DLG2: variants seen among roughly 807,000 people sequenced by gnomAD.
The protein encoded by DLG2 is discs large MAGUK scaffold protein 2.
Under a neutral mutation model 132.5 loss-of-function variants are expected in DLG2, and 45 were observed. The observed-to-expected ratio is 0.34, with a 90% CI of 0.27 to 0.44. DLG2 has a LOEUF of 0.44. Ranked by LOEUF, DLG2 falls within the 20% of genes least tolerant of loss-of-function variation. DLG2 has a pLI of 1.00. For synonymous variants in DLG2, 424 were observed against 419.6 expected (o/e 1.01, Z -0.13); for missense variants, 1,045 against 1,196.9 (o/e 0.87, Z 1.87).
chr11:84,556,114 A>G (rs928063615), intron 6 of DLG2, among the ~76,000 whole-genome samples: 4 of 152,180 alleles, frequency 2.6e-5, no homozygotes, highest in Admixed American at 6.5e-5. Context: ...CTCAGAGGAG[A>G]TAAGAAGTAA....
chr11:83,507,761 TA>T (rs2094795857), intron 21 of DLG2, among the ~76,000 whole-genome samples: 11 of 12,936 alleles, frequency 8.5e-4, no homozygotes, highest in African/African-American at 1.3e-3. Context: ...ATTTTTATTA[TA>T]TATATATATA....
At chr11:84,808,364 G>A (rs78478096) in intron 6 of DLG2, among the ~76,000 whole-genome samples, 3,652 of 152,086 alleles carry the variant, frequency 0.024, 161 homozygotes, top group African/African-American at 0.084. Context: ...GGCATTAAAT[G>A]TATATATTCG....
chr11:85,179,079 T>C (rs1458362145), intron 4 of DLG2, among the ~76,000 whole-genome samples: 1 of 151,118 alleles, frequency 6.6e-6, no homozygotes, highest in Non-Finnish European at 1.5e-5. Flanking sequence ...AAACTGAAAA[T>C]CAGCAGGAAT....
chr11:83,981,480 C>T (rs2092774175), intron 11 of DLG2, among the ~76,000 whole-genome samples: 1 of 152,154 alleles, frequency 6.6e-6, no homozygotes, highest in Admixed American at 6.5e-5. Flanking sequence ...CTCGCTCTGT[C>T]GCCCAGGCTG....
intron 6 of DLG2, among the ~76,000 whole-genome samples, chr11:84,536,052 C>T (rs1379519477): frequency 1.3e-5 from 2 of 151,942 alleles, no homozygotes; most frequent in East Asian, 3.9e-4. Flanking sequence ...ATCTGTTGTT[C>T]ACTCTTCCTC....
At chr11:83,760,723 T>C (rs1032848228) in intron 18 of DLG2, among the ~76,000 whole-genome samples, 5 of 152,082 alleles carry the variant, frequency 3.3e-5, no homozygotes, top group Admixed American at 1.3e-4. Flanking sequence ...AACAAAAAAC[T>C]GTCTCCAAAT....
At chr11:85,568,504 C>A (rs1310205247) in intron 3 of DLG2, among the ~76,000 whole-genome samples, 2 of 152,238 alleles carry the variant, frequency 1.3e-5, no homozygotes, top group African/African-American at 4.8e-5. Context: ...GCTCTTAATT[C>A]TTTAAACATT....
At chr11:83,497,861 CT>C (rs1392917441) in intron 21 of DLG2, among the ~76,000 whole-genome samples, 2 of 151,692 alleles carry the variant, frequency 1.3e-5, no homozygotes, top group Non-Finnish European at 2.9e-5. Flanking sequence ...TCTTTTCTAA[CT>C]TTTTTCCCAA....
chr11:85,591,956 T>C (rs1383358338), intron 3 of DLG2, among the ~76,000 whole-genome samples: 2 of 152,212 alleles, frequency 1.3e-5, no homozygotes, highest in Non-Finnish European at 1.5e-5. Flanking sequence ...CCTTCTCTAC[T>C]CTCTCTTCTA....
chr11:85,070,798 C>G (rs2065742407), intron 6 of DLG2, among the ~76,000 whole-genome samples: 1 of 151,826 alleles, frequency 6.6e-6, no homozygotes, highest in African/African-American at 2.4e-5. Context: ...CCCAAGCCAT[C>G]TTCTTTGTTC....
At chr11:84,664,766 T>G (rs866710619) in intron 6 of DLG2, among the ~76,000 whole-genome samples, 1 of 152,140 alleles carries the variant, frequency 6.6e-6, no homozygotes, top group African/African-American at 2.4e-5. Context: ...ACTTCTCTCC[T>G]TTCCTTACCA....
At chr11:83,745,502 C>A (rs2092836128) in intron 18 of DLG2, among the ~76,000 whole-genome samples, 1 of 152,096 alleles carries the variant, frequency 6.6e-6, no homozygotes, top group Non-Finnish European at 1.5e-5. Flanking sequence ...TAAATATACT[C>A]AAGTCTTTCC....
chr11:84,332,281 G>C (rs1348207213), intron 7 of DLG2, among the ~76,000 whole-genome samples: 2 of 147,248 alleles, frequency 1.4e-5, no homozygotes, highest in Admixed American at 6.8e-5. Flanking sequence ...GCGCGATCTT[G>C]GCTCACTGCA....
intron 5 of DLG2, among the ~76,000 whole-genome samples, chr11:85,125,826 C>T (rs866329105): frequency 8.7e-4 from 132 of 151,928 alleles, no homozygotes; most frequent in Middle Eastern, 6.8e-3. Context: ...CACACACACA[C>T]ACACACACAC....
At chr11:85,200,002 G>C (rs1443354905) in intron 4 of DLG2, among the ~76,000 whole-genome samples, 3 of 150,264 alleles carry the variant, frequency 2.0e-5, no homozygotes, top group Non-Finnish European at 4.4e-5. Context: ...GGCAGAATAA[G>C]AACAAACATG....
At chr11:84,306,699 T>C (rs1315676755) in intron 7 of DLG2, among the ~76,000 whole-genome samples, 1 of 152,192 alleles carries the variant, frequency 6.6e-6, no homozygotes, top group East Asian at 1.9e-4. Context: ...GCAAGACCAC[T>C]CTGCACAGGG....
At chr11:83,667,344 A>G (rs1466999988) in intron 18 of DLG2, among the ~76,000 whole-genome samples, 1 of 152,194 alleles carries the variant, frequency 6.6e-6, no homozygotes, top group Non-Finnish European at 1.5e-5. Context: ...TGACATTCAG[A>G]TTGACATGCA....
At chr11:84,390,119 T>C (rs1188113017) in intron 7 of DLG2, among the ~76,000 whole-genome samples, 1 of 152,178 alleles carries the variant, frequency 6.6e-6, no homozygotes, top group South Asian at 2.1e-4. Flanking sequence ...CTAAATGTTT[T>C]ACCAAAAATT....
At chr11:83,766,391 C>G (rs1442140867) in intron 18 of DLG2, among the ~76,000 whole-genome samples, 1 of 147,692 alleles carries the variant, frequency 6.8e-6, no homozygotes, top group Non-Finnish European at 1.5e-5. Context: ...CCATGCCTGG[C>G]CTGCCTTTTT....
Sources: allele counts gnomAD v4.1 joint callset (sites outside exome capture counted in the v4.1 genomes callset), GRCh38; gene constraint gnomAD v4.1.1; transcripts MANE v1.5; gene names NCBI Gene and HGNC (gene_info 2026-07-23, HGNC 2026-07-21).